Variants in COG5 observed in about 807,000 individuals in gnomAD.
The protein encoded by COG5 is component of oligomeric golgi complex 5, also known as conserved oligomeric Golgi complex subunit 5.
A neutral mutation model predicts 110.4 loss-of-function variants in COG5; 86 were observed. That is an observed-to-expected ratio of 0.78 (90% confidence interval 0.65 to 0.93). The LOEUF is 0.93. Among genes scored for constraint, COG5 ranks in the 40% least tolerant of loss-of-function variants. COG5 has a pLI of 0.00. For synonymous variants in COG5, 360 were observed against 334.6 expected (o/e 1.08, Z -0.83); for missense variants, 1,077 against 987.0 (o/e 1.09, Z -1.22).
intron 7 of COG5, among the ~76,000 whole-genome samples, chr7:107,373,059 A>G (rs1016236845): frequency 6.6e-6 from 1 of 152,176 alleles, no homozygotes; most frequent in African/African-American, 2.4e-5. Context: ...GAGCTTATTT[A>G]AAATCTACCA....
intron 2 of COG5, 138 bp from the exon 3 acceptor site, chr7:107,554,480 G>A: frequency 1.3e-6 from 1 of 747,276 alleles, no homozygotes; most frequent in African/African-American, 1.7e-5. Flanking sequence ...AGGTTTTTAA[G>A]GTGTGTCTGA....
In COG5 at chr7:107,439,963, T is replaced by G. The variant is rs77329997; in HGVS notation, c.539-27331A>C. On this transcript the variant is annotated intron_variant, in intron 6 of 21. Transcript: ENST00000297135. ...TCTTGGATCATTGTAATCGACACAC[T>G]GTCTACCCTGAATTTATATCCTCAG... Among the ~76,000 whole-genome samples, 698 of 152,336 alleles carry G rather than the reference T, an allele frequency of 4.6e-3. 8 individuals carry two copies. The highest frequency in any genetic ancestry group is 0.015 in the African/African-American group (640 of 41,584).
At chr7:107,486,607 A>G (rs1797671693) in intron 6 of COG5, among the ~76,000 whole-genome samples, 1 of 152,212 alleles carries the variant, frequency 6.6e-6, no homozygotes, top group Non-Finnish European at 1.5e-5. Context: ...ATCTAGCTGT[A>G]AATAGTAATA....
chr7:107,468,540 T>G (rs1303280041), intron 6 of COG5, among the ~76,000 whole-genome samples: 1 of 152,108 alleles, frequency 6.6e-6, no homozygotes, highest in Non-Finnish European at 1.5e-5. Flanking sequence ...AACATTTTCA[T>G]TTTTAGAATT....
intron 5 of COG5, among the ~76,000 whole-genome samples, chr7:107,540,544 C>T (rs558458090): frequency 2.0e-5 from 3 of 150,842 alleles, no homozygotes; most frequent in Admixed American, 1.3e-4. Flanking sequence ...CCCCACTATA[C>T]TCCAGCCCAA....
At chr7:107,345,163 C>T (rs1183321060) in intron 10 of COG5, among the ~76,000 whole-genome samples, 1 of 152,140 alleles carries the variant, frequency 6.6e-6, no homozygotes, top group Admixed American at 6.5e-5. Flanking sequence ...AGTCAGAACA[C>T]ACACACTTAC....
At chr7:107,250,410 T>A (rs559939419) in intron 16 of COG5, among the ~76,000 whole-genome samples, 45 of 151,342 alleles carry the variant, frequency 3.0e-4, no homozygotes, top group African/African-American at 8.3e-4. Context: ...TAATTGCCTG[T>A]AAAGCAAAAT....
chr7:107,557,874 C>T (rs1803440287), intron 2 of COG5, 102 bp downstream of exon 2: 2 of 1,422,678 alleles, frequency 1.4e-6, no homozygotes, highest in South Asian at 1.2e-5. Context: ...TAAGTATGTA[C>T]TTCTTCATGT....
chr7:107,206,480 G>A (rs148564091), intron 21 of COG5, among the ~76,000 whole-genome samples: 241 of 152,258 alleles, frequency 1.6e-3, no homozygotes, highest in African/African-American at 5.5e-3. Context: ...CTTCTAGTTG[G>A]TATGCCATCC....
chr7:107,475,903 T>A (rs1203621452), intron 6 of COG5, among the ~76,000 whole-genome samples: 1 of 151,476 alleles, frequency 6.6e-6, no homozygotes, highest in Non-Finnish European at 1.5e-5. Flanking sequence ...CGTATGAAGC[T>A]TTATTCTTTT....
At chr7:107,366,768 C>T (rs1463648864) in intron 8 of COG5, among the ~76,000 whole-genome samples, 1 of 152,032 alleles carries the variant, frequency 6.6e-6, no homozygotes, top group Non-Finnish European at 1.5e-5. Flanking sequence ...ACTTTCTTGC[C>T]TTCTTTCCCT....
intron 7 of COG5, among the ~76,000 whole-genome samples, chr7:107,392,855 T>C (rs1420147086): frequency 6.6e-6 from 1 of 152,194 alleles, no homozygotes; most frequent in Non-Finnish European, 1.5e-5. Context: ...TATGTTATTT[T>C]TCTGTACAAA....
chr7:107,474,217 G>T lies in COG5; in HGVS notation c.538+53020C>A. ...CACCGGATTTCTTATGTTAGAAATT[G>T]TGTTGGGACTTGGCAGCAACCTCAC... is the stretch of plus-strand genomic sequence containing the variant. On this transcript the variant is annotated intron_variant, in intron 6 of 21. Transcript: ENST00000297135. The surrounding 1 kb of genome is among the most constrained non-coding windows in gnomAD (Gnocchi z 5.7). 6.2e-7 allele frequency: 1 copy of T among 1,613,184 alleles called. No individual in the cohort carries two copies. Among genetic ancestry groups the T allele is most frequent in the Non-Finnish European group, 8.5e-7 (1 of 1,179,378 alleles).
Position 107,201,534 on chromosome 7 carries a change from G to A in COG5, c.*1982C>T. 3.0e-6 allele frequency: 2 copies of A among 657,378 alleles called. No homozygotes were observed. The highest frequency in any genetic ancestry group is 2.4e-5 in the Admixed American group (1 of 41,536). The allele number at this position is 657,378 out of a possible 1,614,324, so 40.7% of individuals were successfully genotyped here. A position where few individuals can be genotyped will look rare whatever the true frequency, so the allele number is the denominator to read the frequency against. ...CTCACCATTTGTCCTCAATTCGTGT[G>A]ACCATAAGATACTGATAGCATTGAG... On this transcript the variant is annotated 3_prime_UTR_variant, in exon 22 of 22. Coordinates refer to ENST00000297135, the MANE Select transcript of COG5 (RefSeq NM_006348.5).
At chr7:107,488,544 T>G (rs924965573) in intron 6 of COG5, among the ~76,000 whole-genome samples, 3 of 152,128 alleles carry the variant, frequency 2.0e-5, no homozygotes, top group African/African-American at 7.2e-5. Context: ...ATTATTTGGT[T>G]TAAGCCAAAA....
intron 17 of COG5, among the ~76,000 whole-genome samples, chr7:107,245,050 T>G (rs1030053341): frequency 6.6e-6 from 1 of 152,126 alleles, no homozygotes; most frequent in African/African-American, 2.4e-5. Flanking sequence ...GACACGAGAT[T>G]GGTTCAACAT....
At chr7:107,481,453 T>C (rs1290375635) in intron 6 of COG5, among the ~76,000 whole-genome samples, 1 of 152,114 alleles carries the variant, frequency 6.6e-6, no homozygotes, top group Non-Finnish European at 1.5e-5. Context: ...GAGTGAGAAA[T>C]ACATATGGGA....
In COG5 at chr7:107,362,049, A is replaced by G. The variant is rs1033535334; in HGVS notation, c.1010T>C (p.Ile337Thr). 6.9e-6 allele frequency: 11 copies of G among 1,604,718 alleles called. No individual in the cohort carries two copies. The highest frequency in any genetic ancestry group is 2.7e-5 in the African/African-American group (2 of 74,812). The change falls in exon 10 of 22, where the codon ATT becomes ACT. Residue 337 changes from isoleucine (I) to threonine (T), a missense_variant. Transcript: ENST00000297135. The stretch of plus-strand genomic sequence containing the variant: ...TAAACATACCTTAACTATTTCTTCA[A>G]TGAAACAAATGTGAGAAACAGGATC... ...KRDPVSHICF[I>T]EEIVKDGQPE...
At chr7:107,256,888 A>G (rs967532787) in intron 15 of COG5, 94 bp from the exon 16 acceptor site, 1 of 815,716 alleles carries the variant, frequency 1.2e-6, no homozygotes, top group Non-Finnish European at 2.1e-6. Context: ...GTTTCCACAA[A>G]GTATATATAC....
Sources: allele counts gnomAD v4.1 joint callset (sites outside exome capture counted in the v4.1 genomes callset), GRCh38; gene constraint gnomAD v4.1.1; non-coding constraint Gnocchi (gnomAD v3.1); transcripts MANE v1.5; gene names NCBI Gene and HGNC (gene_info 2026-07-23, HGNC 2026-07-21).